Variants in DOCK5 observed in about 807,000 individuals in gnomAD.
DOCK5 encodes dedicator of cytokinesis protein 5.
A neutral mutation model predicts 251.8 loss-of-function variants in DOCK5; 142 were observed. That is an observed-to-expected ratio of 0.56 (90% CI 0.49 to 0.65). The LOEUF (loss-of-function observed/expected upper bound fraction) is 0.65, where lower values mean the gene tolerates loss of function less well. Ranked by LOEUF, DOCK5 falls within the 30% of genes least tolerant of loss-of-function variation. The pLI, the probability that DOCK5 is intolerant of heterozygous loss-of-function variation, is 0.00. For missense variants in DOCK5, 2,111 were observed against 2,312.3 expected (o/e 0.91, Z 1.79); for synonymous variants, 842 against 835.5 (o/e 1.01, Z -0.13).
chr8:25,302,113 CA>C (rs1389194198), intron 9 of DOCK5, among the ~76,000 whole-genome samples: 3 of 152,132 alleles, frequency 2.0e-5, no homozygotes, highest in African/African-American at 7.2e-5. Flanking sequence ...AACTGGGGAA[CA>C]AAAAAGCACT....
Position 25,282,849 on chromosome 8 carries a change from CAAAAAAAAAAA to C in DOCK5, c.321+4205_321+4215del, listed in dbSNP as rs56687628. ...TGGGTGACACAGTAAGACCCTTTCT[CAAAAAAAAAAA>C]AAAAAAAAAAAAAAAAAAAAGATAC... On this transcript the variant is annotated intron_variant, in intron 5 of 51. Coordinates refer to ENST00000276440, the MANE Select transcript of DOCK5 (RefSeq NM_024940.8). 1.5e-4 allele frequency among the ~76,000 whole-genome samples: 6 copies of C among 39,612 alleles called. No homozygotes were observed. In the South Asian group the frequency reaches 5.6e-3, roughly 37 times the overall value. The allele number at this position is 39,612 out of a possible 152,430, so 26.0% of individuals were successfully genotyped here.
intron 1 of DOCK5, among the ~76,000 whole-genome samples, chr8:25,191,973 T>C (rs1328833591): frequency 7.4e-6 from 1 of 135,138 alleles, no homozygotes; most frequent in Admixed American, 8.5e-5. Context: ...TGTGTCCAAG[T>C]GTTCTCATTG....
intron 26 of DOCK5, 103 bp from the exon 27 acceptor site, chr8:25,351,628 A>G (rs7012335): frequency 0.2 from 163,618 of 803,344 alleles, 19,023 homozygotes; most frequent in African/African-American, 0.41. Flanking sequence ...TTGTAGGGAA[A>G]AGCCAAAAAG....
intron 1 of DOCK5, among the ~76,000 whole-genome samples, chr8:25,204,387 C>T (rs192339801): frequency 6.6e-6 from 1 of 152,180 alleles, no homozygotes; most frequent in East Asian, 1.9e-4. Context: ...ACAGGAGTGA[C>T]CAAGTGGCTT....
chr8:25,196,774 A>G (rs561393371), intron 1 of DOCK5, among the ~76,000 whole-genome samples: 1 of 152,240 alleles, frequency 6.6e-6, no homozygotes, highest in African/African-American at 2.4e-5. Flanking sequence ...ATGACGTTAT[A>G]ATGCAATGCA....
intron 16 of DOCK5, among the ~76,000 whole-genome samples, chr8:25,321,615 C>T (rs1805427880): frequency 6.6e-6 from 1 of 152,104 alleles, no homozygotes; most frequent in Non-Finnish European, 1.5e-5. Flanking sequence ...TCTAACGCTG[C>T]TGCTGATCCA....
intron 47 of DOCK5, among the ~76,000 whole-genome samples, chr8:25,402,599 A>G (rs1801457972): frequency 1.3e-5 from 2 of 151,046 alleles, no homozygotes; most frequent in African/African-American, 4.9e-5. Flanking sequence ...CCCGGCCCAC[A>G]CCCAGCTAAT....
intron 1 of DOCK5, among the ~76,000 whole-genome samples, chr8:25,190,776 G>C (rs6988403): frequency 1.6e-5 from 1 of 63,412 alleles, no homozygotes. Context: ...TTGGTCATGG[G>C]TTTTTTTTTT....
At chr8:25,202,954 A>G (rs1801914296) in intron 1 of DOCK5, among the ~76,000 whole-genome samples, 1 of 152,308 alleles carries the variant, frequency 6.6e-6, no homozygotes, top group East Asian at 1.9e-4. Context: ...AGGGGACACT[A>G]GGAGACTACT....
intron 13 of DOCK5, among the ~76,000 whole-genome samples, chr8:25,315,992 A>T (rs560281978): frequency 6.6e-6 from 1 of 152,130 alleles, no homozygotes; most frequent in Non-Finnish European, 1.5e-5. Context: ...TACTTTTTTC[A>T]TCTAGGAGTT....
chr8:25,304,369 A>G lies in DOCK5; in HGVS notation c.1049+42A>G, dbSNP rs753379295. The G allele has an allele frequency of 2.0e-6, 3 of 1,514,730 alleles. No homozygotes were observed. In the South Asian group the frequency reaches 3.7e-5, roughly 19 times the overall value. The allele number at this position is 1,514,730 out of a possible 1,614,324, so 93.8% of individuals were successfully genotyped here. ...GTGTCCCAGGTGACTTGAGACCTGG[A>G]TTAGCCATTCAATTGTCTTTTAACA... On this transcript the variant is annotated intron_variant, in intron 11 of 51. Transcript: ENST00000276440.
At chr8:25,210,497 T>G (rs1802109195) in intron 1 of DOCK5, among the ~76,000 whole-genome samples, 1 of 69,100 alleles carries the variant, frequency 1.4e-5, no homozygotes, top group African/African-American at 3.3e-5. Flanking sequence ...GCGCTGTGGC[T>G]CACACCTGTC....
At chr8:25,336,485 G>A (rs1805813152) in intron 22 of DOCK5, 112 bp downstream of exon 22, 1 of 1,365,968 alleles carries the variant, frequency 7.3e-7, no homozygotes, top group Non-Finnish European at 9.9e-7. Flanking sequence ...TCTTAGAATT[G>A]CCTTATTTCA....
In DOCK5 at chr8:25,308,929, C is replaced by CAGTCCA. The variant is rs767246265; in HGVS notation, c.1192+5_1192+10dup. 1.6e-4 allele frequency: 260 copies of CAGTCCA among 1,609,716 alleles called. No homozygotes were observed. Among genetic ancestry groups the CAGTCCA allele is most frequent in the Non-Finnish European group, 2.0e-4 (239 of 1,176,608 alleles). The stretch of plus-strand genomic sequence containing the variant: ...GAAGTGAATCACAAAGGGCAAGGTA[C>CAGTCCA]AGTCCAGTGCCAGAGCTGGGAGGGA... On this transcript the variant is annotated splice_donor_region_variant and intron_variant, in intron 12 of 51. Transcript: ENST00000276440.
In DOCK5 at chr8:25,412,422, A is replaced by C. The variant is rs1200706258; in HGVS notation, c.*1124A>C. On this transcript the variant is annotated 3_prime_UTR_variant, in exon 52 of 52. Transcript: ENST00000276440. ...GGACTTGAAGCCTCAAAGATCAACCAACCAGTCCCCTTATTTAGTAAATAA... is the reference window on the plus strand; with the variant it reads ...GGACTTGAAGCCTCAAAGATCAACCCACCAGTCCCCTTATTTAGTAAATAA... 6.6e-6 allele frequency: 1 copy of C among 152,204 alleles called. No homozygotes were observed. Among genetic ancestry groups the C allele is most frequent in the African/African-American group, 2.4e-5 (1 of 41,450 alleles). 9.4% of individuals were successfully genotyped at this position (152,204 alleles called of 1,614,324 possible).
chr8:25,309,271 A>G (rs1235616872), intron 12 of DOCK5, among the ~76,000 whole-genome samples: 1 of 152,032 alleles, frequency 6.6e-6, no homozygotes, highest in Admixed American at 6.6e-5. Flanking sequence ...TGTAGCCTCC[A>G]CTTCCTGGGC....
chr8:25,408,776 G>A, intron 49 of DOCK5, 26 bp from the exon 50 acceptor site: 3 of 1,613,076 alleles, frequency 1.9e-6, no homozygotes, highest in Non-Finnish European at 2.5e-6. Context: ...CCGTGAAAAT[G>A]TTTTGCTTTT....
intron 1 of DOCK5, among the ~76,000 whole-genome samples, chr8:25,210,048 G>GAA (rs1563309203): frequency 0.021 from 544 of 25,440 alleles, 174 homozygotes; most frequent in African/African-American, 0.059. Context: ...GTGTGTGTGT[G>GAA]TGTGTGTGTG....
At chr8:25,294,174 G>A (rs982469501) in intron 6 of DOCK5, among the ~76,000 whole-genome samples, 4 of 152,214 alleles carry the variant, frequency 2.6e-5, no homozygotes, top group Non-Finnish European at 4.4e-5. Flanking sequence ...CTTCTTTCCC[G>A]TTCCAGCTCT....
Sources: allele counts gnomAD v4.1 joint callset (sites outside exome capture counted in the v4.1 genomes callset), GRCh38; gene constraint gnomAD v4.1.1; transcripts MANE v1.5; gene names NCBI Gene and HGNC (gene_info 2026-07-23, HGNC 2026-07-21).